HDGFL3: variants seen among roughly 807,000 people sequenced by gnomAD.
HDGFL3 encodes the protein HDGF like 3.
Under a neutral mutation model 27.6 loss-of-function variants are expected in HDGFL3, and 6 were observed. The observed-to-expected ratio is 0.22, with a 90% CI of 0.12 to 0.43. The LOEUF (loss-of-function observed/expected upper bound fraction) is 0.43, where lower values mean the gene tolerates loss of function less well. Ranked by LOEUF, HDGFL3 falls within the 20% of genes least tolerant of loss-of-function variation. HDGFL3 has a pLI of 1.00. For missense variants in HDGFL3, 207 were observed against 250.1 expected, an observed-to-expected ratio of 0.83 and a Z score of 1.16; for synonymous variants, 88 against 88.9, an observed-to-expected ratio of 0.99 and a Z score of 0.05.
intron 1 of HDGFL3, among the ~76,000 whole-genome samples, chr15:83,172,094 A>T (rs1462132001): frequency 6.6e-6 from 1 of 152,120 alleles, no homozygotes; most frequent in African/African-American, 2.4e-5. Context: ...GCTCCCCTCC[A>T]AAATTCAGGT....
intron 1 of HDGFL3, among the ~76,000 whole-genome samples, chr15:83,179,498 C>T (rs986503223): frequency 6.6e-6 from 1 of 152,102 alleles, no homozygotes; most frequent in African/African-American, 2.4e-5. Context: ...TTGTAGGAGT[C>T]CAGATGGTAG....
chr15:83,176,713 A>G (rs1045775751), intron 1 of HDGFL3, among the ~76,000 whole-genome samples: 4 of 152,164 alleles, frequency 2.6e-5, no homozygotes, highest in African/African-American at 9.7e-5. Context: ...GCATATTTTA[A>G]GAGATTTCAT....
intron 4 of HDGFL3, among the ~76,000 whole-genome samples, chr15:83,152,426 C>T (rs775302007): frequency 2.0e-5 from 3 of 152,022 alleles, no homozygotes; most frequent in Admixed American, 6.5e-5. Context: ...TGGGGCTGGG[C>T]GCAGTGGCTC....
chr15:83,207,364 G>A lies in HDGFL3; in HGVS notation c.51C>T (p.Ala17=). Reference sequence around the variant, plus strand: ...GCCAGTGCGGGTAGCCCTTCATCTTGGCGAAGACCAGGTCGCCCGCTTTGT... The same window carrying A: ...GCCAGTGCGGGTAGCCCTTCATCTTAGCGAAGACCAGGTCGCCCGCTTTGT... ...REYKAGDLVF[A]KMKGYPHWPA... Residue 17 remains alanine (A), a synonymous_variant, in exon 1 of 6, where the codon GCC becomes GCT. Transcript: ENST00000299633. This position sits in a 1 kb window ranked among gnomAD's most constrained non-coding sequence, Gnocchi z 4.8. 2 of 1,402,906 alleles carry A rather than the reference G, an allele frequency of 1.4e-6. No homozygotes were observed. Among genetic ancestry groups the A allele is most frequent in the Non-Finnish European group, 1.9e-6 (2 of 1,072,732 alleles). The allele number at this position is 1,402,906 out of a possible 1,614,324, so 86.9% of individuals were successfully genotyped here.
chr15:83,192,002 T>C (rs1326863783), intron 1 of HDGFL3, among the ~76,000 whole-genome samples: 1 of 147,880 alleles, frequency 6.8e-6, no homozygotes, highest in East Asian at 2.0e-4. Context: ...AATGCAATAG[T>C]GCAATCCCAG....
chr15:83,171,403 A>G (rs543278745), intron 1 of HDGFL3, among the ~76,000 whole-genome samples: 1 of 152,286 alleles, frequency 6.6e-6, no homozygotes. Context: ...GTATATATCC[A>G]AAAGAAAACA....
chr15:83,116,178 C>T (rs1018906951), intron 3 of HDGFL3, among the ~76,000 whole-genome samples: 4 of 152,190 alleles, frequency 2.6e-5, no homozygotes, highest in African/African-American at 9.7e-5. Context: ...CACTCATGAC[C>T]GCACACATGA....
At chr15:83,126,947 C>T, downstream of HDGFL3, 1 of 882,334 alleles carries the variant, frequency 1.1e-6, no homozygotes. Context: ...AATCCCAGCA[C>T]TTTGGGAGGC....
At chr15:83,180,067 G>C (rs570325251) in intron 1 of HDGFL3, among the ~76,000 whole-genome samples, 27 of 152,024 alleles carry the variant, frequency 1.8e-4, no homozygotes, top group African/African-American at 5.8e-4. Flanking sequence ...AACAGTAGAT[G>C]CCAAACCTAG....
chr15:83,205,106 T>C (rs1277077495), intron 1 of HDGFL3, among the ~76,000 whole-genome samples: 1 of 152,216 alleles, frequency 6.6e-6, no homozygotes, highest in Non-Finnish European at 1.5e-5. Context: ...TATTTGAAAC[T>C]TCAATAAGCA....
chr15:83,146,995 C>T (rs1301821502), intron 5 of HDGFL3, among the ~76,000 whole-genome samples: 1 of 152,138 alleles, frequency 6.6e-6, no homozygotes, highest in Non-Finnish European at 1.5e-5. Context: ...CCCAAATACT[C>T]TGCCTTTCCT....
chr15:83,207,560 G>C lies in HDGFL3; in HGVS notation c.-146C>G. 1.9e-6 allele frequency: 1 copy of C among 519,972 alleles called. No homozygotes were observed. The allele number at this position is 519,972 out of a possible 1,614,324, so 32.2% of individuals were successfully genotyped here. On this transcript the variant is annotated 5_prime_UTR_variant, in exon 1 of 6. Coordinates refer to ENST00000299633, the MANE Select transcript of HDGFL3 (RefSeq NM_016073.4). The surrounding 1 kb of genome is among the most constrained non-coding windows in gnomAD (Gnocchi z 4.8). Reference sequence around the variant, plus strand: ...CCGCTCCGACGAGGGGAAGCGGCGAGGCGGCGGCTGAGGCAAGGGGTGGGC... The same window carrying C: ...CCGCTCCGACGAGGGGAAGCGGCGACGCGGCGGCTGAGGCAAGGGGTGGGC...
At chr15:83,157,764 A>T in intron 3 of HDGFL3, 139 bp downstream of exon 3, 1 of 968,138 alleles carries the variant, frequency 1.0e-6, no homozygotes, top group Non-Finnish European at 1.6e-6. Flanking sequence ...AATTACATTT[A>T]ATCCAAAATG....
Position 83,136,472 on chromosome 15 carries a change from A to T in HDGFL3, c.*2798T>A. Reference sequence around the variant, plus strand: ...TGCTTACTCAATTTTTTTTTTTTAAATGCAACAGGCTCAGTTTTCTCACAT... The same window carrying T: ...TGCTTACTCAATTTTTTTTTTTTAATTGCAACAGGCTCAGTTTTCTCACAT... On this transcript the variant is annotated 3_prime_UTR_variant, in exon 6 of 6. Transcript: ENST00000299633. 6.4e-7 allele frequency: 1 copy of T among 1,568,132 alleles called. No homozygotes were observed. Among genetic ancestry groups the T allele is most frequent in the Non-Finnish European group, 8.6e-7 (1 of 1,163,870 alleles).
In HDGFL3 at chr15:83,157,898, A is replaced by G. The variant is rs199603080; in HGVS notation, c.300+5T>C. The G allele has an allele frequency of 3.1e-6, 5 of 1,610,164 alleles. No individual in the cohort carries two copies. The highest frequency in any genetic ancestry group is 2.2e-5 in the East Asian group (1 of 44,814). Reference sequence around the variant, plus strand: ...ATAGCAAGTGACAAGGAAGTAAACCATTACCTGGTAGCCAGTAAACTTTAC... The same window carrying G: ...ATAGCAAGTGACAAGGAAGTAAACCGTTACCTGGTAGCCAGTAAACTTTAC... On this transcript the variant is annotated splice_donor_5th_base_variant and intron_variant, in intron 3 of 5. Transcript: ENST00000299633.
At chr15:83,167,284 G>T (rs1353149466) in intron 1 of HDGFL3, among the ~76,000 whole-genome samples, 3 of 152,198 alleles carry the variant, frequency 2.0e-5, no homozygotes, top group Non-Finnish European at 2.9e-5. Context: ...GGCTGAGCGT[G>T]GTGGCTCACC....
chr15:83,116,142 C>T (rs1405356852), intron 3 of HDGFL3, among the ~76,000 whole-genome samples: 2 of 152,204 alleles, frequency 1.3e-5, no homozygotes, highest in Non-Finnish European at 2.9e-5. Flanking sequence ...CAATTCTCTC[C>T]AACATTCAGC....
chr15:83,181,123 C>T lies in HDGFL3; in HGVS notation c.85-17048G>A, dbSNP rs577211090. On this transcript the variant is annotated intron_variant, in intron 1 of 5. Coordinates refer to ENST00000299633, the MANE Select transcript of HDGFL3 (RefSeq NM_016073.4). Reference sequence around the variant, plus strand: ...ACAGACATTTTTTCACCCAATAAAACCCTAAAAACATTGTCATTTTAATCT... The same window carrying T: ...ACAGACATTTTTTCACCCAATAAAATCCTAAAAACATTGTCATTTTAATCT... 3.9e-5 allele frequency: 6 copies of T among 152,164 alleles called. 1 individual carries two copies. Among genetic ancestry groups the T allele is most frequent in the South Asian group, 2.1e-4 (1 of 4,822 alleles). 9.4% of individuals were successfully genotyped at this position (152,164 alleles called of 1,614,324 possible). A position where few individuals can be genotyped will look rare whatever the true frequency, so the allele number is the denominator to read the frequency against.
At chr15:83,153,297 C>T (rs1198590939) in intron 4 of HDGFL3, among the ~76,000 whole-genome samples, 2 of 152,066 alleles carry the variant, frequency 1.3e-5, no homozygotes, top group Non-Finnish European at 2.9e-5. Flanking sequence ...GGATTACAGG[C>T]GTGAGCCACC....
Sources: gnomAD v4.1 joint callset for allele counts (sites outside exome capture counted in the v4.1 genomes callset) on GRCh38, gnomAD v4.1.1 for gene constraint, Gnocchi (gnomAD v3.1) non-coding constraint, MANE v1.5 for transcripts, NCBI Gene and HGNC (gene_info 2026-07-23, HGNC 2026-07-21) for gene names.